The following FAM169A variants were observed in gnomAD, a reference collection of about 807,000 sequenced individuals.
The protein encoded by FAM169A is family with sequence similarity 169 member A.
A neutral mutation model predicts 75.7 loss-of-function variants in FAM169A; 24 were observed. The ratio of observed to expected loss-of-function variants is 0.32; its 90% CI spans 0.23 to 0.45. The LOEUF is 0.45. Among genes scored for constraint, FAM169A ranks in the 20% least tolerant of loss-of-function variants. The probability of loss-of-function intolerance (pLI) is 1.00; values close to 1 mark genes in which losing one functional copy is unlikely to be tolerated. For missense variants in FAM169A, 673 were observed against 784.0 expected (o/e 0.86, Z 1.69); for synonymous variants, 271 against 271.0 (o/e 1.00, Z 0.00).
chr5:74,864,225 A>G (rs183252248), intron 1 of FAM169A, among the ~76,000 whole-genome samples: 23 of 152,348 alleles, frequency 1.5e-4, no homozygotes, highest in Admixed American at 1.4e-3. Context: ...CCAAATCAAA[A>G]TCCTTTGTTG....
chr5:74,861,440 G>C (rs776689005), intron 1 of FAM169A, among the ~76,000 whole-genome samples: 2 of 152,174 alleles, frequency 1.3e-5, no homozygotes, highest in African/African-American at 2.4e-5. Context: ...ACTAAATAAC[G>C]TATATCCAAA....
At chr5:74,785,249 T>C (rs906938465) in intron 11 of FAM169A, among the ~76,000 whole-genome samples, 2 of 151,436 alleles carry the variant, frequency 1.3e-5, no homozygotes, top group African/African-American at 2.4e-5. Context: ...ACCTGGGAGG[T>C]AGAGGTTGCA....
At chr5:74,794,693 G>A (rs1746171028) in intron 11 of FAM169A, among the ~76,000 whole-genome samples, 1 of 150,144 alleles carries the variant, frequency 6.7e-6, no homozygotes, top group Non-Finnish European at 1.5e-5. Context: ...GCAGGAGAAT[G>A]GCCTGAACCC....
chr5:74,793,184 G>T (rs2112494489), intron 11 of FAM169A, among the ~76,000 whole-genome samples: 2 of 152,274 alleles, frequency 1.3e-5, no homozygotes, highest in East Asian at 3.9e-4. Flanking sequence ...AACTAACTGG[G>T]TGTGGTGGCA....
chr5:74,793,876 G>A (rs554079128), intron 11 of FAM169A, among the ~76,000 whole-genome samples: 41 of 149,572 alleles, frequency 2.7e-4, no homozygotes, highest in Admixed American at 6.0e-4. Context: ...GGTGGCAGGC[G>A]CCTGTAGTCC....
chr5:74,854,864 ACACT>A (rs1749628451), intron 1 of FAM169A, among the ~76,000 whole-genome samples: 1 of 152,184 alleles, frequency 6.6e-6, no homozygotes. Context: ...TCGATGATTG[ACACT>A]CACGTTGCTT....
At chr5:74,800,226 G>T in intron 10 of FAM169A, 1 of 224,590 alleles carries the variant, frequency 4.5e-6, no homozygotes, top group Non-Finnish European at 8.8e-6. Flanking sequence ...TATAAAATTG[G>T]TGAAAATGTT....
chr5:74,835,565 G>C (rs892319545), intron 4 of FAM169A, among the ~76,000 whole-genome samples: 1 of 133,586 alleles, frequency 7.5e-6, no homozygotes, highest in Non-Finnish European at 1.5e-5. Context: ...CTGCACCACC[G>C]CACTCCAGCC....
At chr5:74,866,657 G>T, upstream of FAM169A, 1 of 823,190 alleles carries the variant, frequency 1.2e-6, no homozygotes, top group Non-Finnish European at 1.5e-6. Flanking sequence ...CAATGGCCTG[G>T]TATTAAAGAG....
At chr5:74,820,717 T>C (rs1308551516) in intron 5 of FAM169A, among the ~76,000 whole-genome samples, 1 of 152,104 alleles carries the variant, frequency 6.6e-6, no homozygotes, top group Non-Finnish European at 1.5e-5. Flanking sequence ...TGCACCCAGT[T>C]TCCCACAGAG....
chr5:74,809,243 C>G (rs1477091291), intron 6 of FAM169A, among the ~76,000 whole-genome samples: 1 of 152,096 alleles, frequency 6.6e-6, no homozygotes, highest in African/African-American at 2.4e-5. Context: ...AATGAAAAGG[C>G]CATGAGAAAG....
chr5:74,808,257 C>T (rs555934719), intron 6 of FAM169A, among the ~76,000 whole-genome samples: 7 of 152,224 alleles, frequency 4.6e-5, no homozygotes, highest in South Asian at 2.1e-4. Flanking sequence ...AAACAAAATA[C>T]TGTATATTCA....
chr5:74,824,791 A>AT (rs1162027267), intron 5 of FAM169A, among the ~76,000 whole-genome samples: 1 of 151,944 alleles, frequency 6.6e-6, no homozygotes, highest in Non-Finnish European at 1.5e-5. Context: ...CATTTAGCTG[A>AT]TATTTTCGGT....
intron 5 of FAM169A, among the ~76,000 whole-genome samples, chr5:74,814,919 A>C (rs182129309): frequency 6.6e-6 from 1 of 152,268 alleles, no homozygotes; most frequent in Non-Finnish European, 1.5e-5. Context: ...TTATTCTCAG[A>C]TTATTCATAT....
At chr5:74,833,939 T>C (rs1748445657) in intron 5 of FAM169A, among the ~76,000 whole-genome samples, 1 of 152,230 alleles carries the variant, frequency 6.6e-6, no homozygotes. Context: ...AAGCTGTTTG[T>C]ATTTACTAAA....
intron 1 of FAM169A, among the ~76,000 whole-genome samples, chr5:74,858,416 C>T (rs1198707651): frequency 6.6e-6 from 1 of 152,006 alleles, no homozygotes; most frequent in Non-Finnish European, 1.5e-5. Flanking sequence ...ACAAAAACAT[C>T]GTGTCCTTTG....
intron 10 of FAM169A, among the ~76,000 whole-genome samples, chr5:74,796,673 G>T (rs996846270): frequency 4.6e-5 from 7 of 151,334 alleles, no homozygotes; most frequent in African/African-American, 1.7e-4. Context: ...CAAAGTGCTG[G>T]GATTACAGGT....
intron 12 of FAM169A, 31 bp downstream of exon 12, chr5:74,782,900 T>G: frequency 6.4e-7 from 1 of 1,557,382 alleles, no homozygotes; most frequent in Non-Finnish European, 8.8e-7. Context: ...ATTGGTAAAC[T>G]TTATTAAAAA....
At chr5:74,802,687 A>G (rs979076834) in intron 8 of FAM169A, among the ~76,000 whole-genome samples, 1 of 152,140 alleles carries the variant, frequency 6.6e-6, no homozygotes, top group East Asian at 1.9e-4. Context: ...CCATATCTTT[A>G]TATGTCCAAT....
Sources: allele counts gnomAD v4.1 joint callset (sites outside exome capture counted in the v4.1 genomes callset), GRCh38; gene constraint gnomAD v4.1.1; transcripts MANE v1.5; gene names NCBI Gene and HGNC (gene_info 2026-07-23, HGNC 2026-07-21).